Variants in CNTLN observed in about 807,000 individuals in gnomAD.
The protein encoded by CNTLN is centlein, centrosomal protein.
In CNTLN, 212 loss-of-function variants were observed where a neutral mutation model predicts 180.0. That is an observed-to-expected ratio of 1.18 (90% CI 1.05 to 1.32). The LOEUF (loss-of-function observed/expected upper bound fraction) is 1.32. Ranked by LOEUF, CNTLN falls within the 40% of genes most tolerant of loss-of-function variation. CNTLN has a pLI of 0.00. For synonymous variants in CNTLN, 722 were observed against 563.1 expected, an observed-to-expected ratio of 1.28 and a Z score of -3.99; for missense variants, 2,095 against 1,610.9, an observed-to-expected ratio of 1.30 and a Z score of -5.14.
intron 14 of CNTLN, among the ~76,000 whole-genome samples, chr9:17,390,235 CTTTTTTTTTTT>C (rs35329298): frequency 2.6e-5 from 2 of 77,396 alleles, no homozygotes; most frequent in African/African-American, 9.7e-5. Flanking sequence ...AAAAGAGCCT[CTTTTTTTTTTT>C]TTTTTTTTTT....
At chr9:17,218,927 A>G (rs1823945306) in intron 2 of CNTLN, among the ~76,000 whole-genome samples, 1 of 152,124 alleles carries the variant, frequency 6.6e-6, no homozygotes, top group African/African-American at 2.4e-5. Flanking sequence ...ACATAATAAA[A>G]TTTTGTTTCT....
chr9:17,266,503 A>G (rs1014650088), intron 5 of CNTLN, among the ~76,000 whole-genome samples: 54 of 152,144 alleles, frequency 3.5e-4, no homozygotes, highest in Non-Finnish European at 1.8e-4. Context: ...GCTGAATAAA[A>G]TGTATATTCT....
intron 7 of CNTLN, among the ~76,000 whole-genome samples, chr9:17,305,407 T>A (rs547641927): frequency 6.6e-6 from 1 of 152,282 alleles, no homozygotes; most frequent in East Asian, 1.9e-4. Context: ...AGAGCCTCTC[T>A]GAAAACTGTT....
At chr9:17,193,022 C>A (rs561984762) in intron 2 of CNTLN, among the ~76,000 whole-genome samples, 2 of 152,124 alleles carry the variant, frequency 1.3e-5, no homozygotes, top group South Asian at 4.2e-4. Context: ...ACGTGGAAAC[C>A]CCTGATAAAA....
intron 6 of CNTLN, among the ~76,000 whole-genome samples, chr9:17,274,454 TATCTATC>T (rs1227370873): frequency 5.9e-5 from 2 of 34,150 alleles, no homozygotes; most frequent in Non-Finnish European, 1.4e-4. Context: ...CATAGATCAA[TATCTATC>T]TATCTATCTA....
At chr9:17,500,390 G>T (rs1833680940) in intron 25 of CNTLN, among the ~76,000 whole-genome samples, 1 of 152,172 alleles carries the variant, frequency 6.6e-6, no homozygotes, top group African/African-American at 2.4e-5. Context: ...AGTAGATTTA[G>T]ATTTAAATTT....
At chr9:17,515,699 A>G in the CNTLN span, among the ~76,000 whole-genome samples, 3 of 152,196 alleles carry the variant, frequency 2.0e-5, no homozygotes, top group African/African-American at 7.2e-5. Flanking sequence ...GAACGTATCC[A>G]GCATGCAACA....
intron 23 of CNTLN, among the ~76,000 whole-genome samples, chr9:17,474,293 C>G (rs913748932): frequency 6.6e-6 from 1 of 152,126 alleles, no homozygotes; most frequent in Admixed American, 6.5e-5. Flanking sequence ...TTTGCTTCTC[C>G]TAGCTTTTTT....
At chr9:17,526,839 A>G in the CNTLN span, among the ~76,000 whole-genome samples, 1 of 151,330 alleles carries the variant, frequency 6.6e-6, no homozygotes, top group African/African-American at 2.4e-5. Context: ...CAGTTAAGTC[A>G]CCTAATCTCT....
chr9:17,158,486 G>C (rs1586949836), intron 2 of CNTLN, among the ~76,000 whole-genome samples: 1 of 152,036 alleles, frequency 6.6e-6, no homozygotes, highest in African/African-American at 2.4e-5. Context: ...GTAGAATTCA[G>C]TAGTAAATCC....
intron 18 of CNTLN, among the ~76,000 whole-genome samples, chr9:17,445,649 A>C (rs1367866372): frequency 6.6e-6 from 1 of 152,122 alleles, no homozygotes; most frequent in African/African-American, 2.4e-5. Context: ...GGGACACAAA[A>C]ACTGCGGAAG....
At chr9:17,141,891 G>A (rs569379445) in intron 1 of CNTLN, among the ~76,000 whole-genome samples, 1 of 152,122 alleles carries the variant, frequency 6.6e-6, no homozygotes, top group East Asian at 1.9e-4. Flanking sequence ...AGACCAGCCT[G>A]GCCAATATGG....
intron 8 of CNTLN, among the ~76,000 whole-genome samples, 193 bp downstream of exon 8, chr9:17,309,445 A>G (rs1436837650): frequency 6.6e-6 from 1 of 152,110 alleles, no homozygotes; most frequent in African/African-American, 2.4e-5. Flanking sequence ...ATTTATATAG[A>G]AGTGCATGTA....
intron 5 of CNTLN, among the ~76,000 whole-genome samples, chr9:17,239,388 T>C (rs1752718083): frequency 6.6e-6 from 1 of 152,240 alleles, no homozygotes; most frequent in Admixed American, 6.5e-5. Flanking sequence ...TATCAAGATA[T>C]ATACATTGAA....
intron 6 of CNTLN, among the ~76,000 whole-genome samples, chr9:17,274,593 T>G (rs1828190288): frequency 6.6e-6 from 1 of 152,030 alleles, no homozygotes; most frequent in Non-Finnish European, 1.5e-5. Context: ...TTTATTTATT[T>G]TGGTAGCACC....
At chr9:17,477,521 T>C (rs2134273664) in intron 23 of CNTLN, among the ~76,000 whole-genome samples, 1 of 152,302 alleles carries the variant, frequency 6.6e-6, no homozygotes, top group South Asian at 2.1e-4. Flanking sequence ...GAGGTCAAAA[T>C]AGCAGCGTTA....
Position 17,484,420 on chromosome 9 carries a change from T to A in CNTLN, c.3981T>A (p.Ala1327=), listed in dbSNP as rs1415228713. ...TSTHKAQTLA[A]SILNISRSDL... ...CCCATAAAGCCCAGACCTTGGCAGC[T>A]TCTATCCTGAACATTTCACGGTCAG... is the stretch of plus-strand genomic sequence containing the variant. The change falls in exon 24 of 26, where the codon GCT becomes GCA. Residue 1327 remains alanine (A), a synonymous_variant. Coordinates refer to ENST00000380647, the MANE Select transcript of CNTLN (RefSeq NM_017738.4). 2.5e-6 allele frequency: 4 copies of A among 1,610,348 alleles called. No individual in the cohort carries two copies. The highest frequency in any genetic ancestry group is 1.7e-4 in the Middle Eastern group (1 of 6,052).
chr9:17,523,838 A>G, the CNTLN span, among the ~76,000 whole-genome samples: 1 of 152,208 alleles, frequency 6.6e-6, no homozygotes, highest in African/African-American at 2.4e-5. Flanking sequence ...CAGAGGAATC[A>G]ATTAAAGCTT....
chr9:17,486,279 GC>G (rs1832883963), intron 24 of CNTLN, among the ~76,000 whole-genome samples: 1 of 118,054 alleles, frequency 8.5e-6, no homozygotes, highest in South Asian at 3.7e-4. Context: ...CTAGCATGAT[GC>G]CTGCCATACA....
Sources: allele counts gnomAD v4.1 joint callset (sites outside exome capture counted in the v4.1 genomes callset), GRCh38; gene constraint gnomAD v4.1.1; transcripts MANE v1.5; gene names NCBI Gene and HGNC (gene_info 2026-07-23, HGNC 2026-07-21).